The following PPP1R16A variants were observed in gnomAD, a reference collection of about 807,000 sequenced individuals.
PPP1R16A encodes the protein protein phosphatase 1 regulatory subunit 16A.
Under a neutral mutation model 46.6 loss-of-function variants are expected in PPP1R16A, and 39 were observed. The ratio of observed to expected loss-of-function variants is 0.84; its 90% confidence interval spans 0.65 to 1.09. PPP1R16A has a LOEUF of 1.09. Ranked by LOEUF, PPP1R16A falls within the 50% of genes least tolerant of loss-of-function variation. The probability of loss-of-function intolerance (pLI) is 0.00; values close to 1 mark genes in which losing one functional copy is unlikely to be tolerated. For synonymous variants in PPP1R16A, 413 were observed against 321.5 expected, an observed-to-expected ratio of 1.28 and a Z score of -3.04; for missense variants, 798 against 735.6, an observed-to-expected ratio of 1.08 and a Z score of -0.98.
chr8:144,482,027 T>G (rs1586736250), intron 1 of PPP1R16A, among the ~76,000 whole-genome samples: 1 of 152,148 alleles, frequency 6.6e-6, no homozygotes, highest in African/African-American at 2.4e-5. Flanking sequence ...CCGCCCGCCT[T>G]GGCCTCCCAA....
At position 144,500,170 on chromosome 8, in the gene PPP1R16A, A is replaced by G. The variant is rs1352672313; in HGVS notation, c.551A>G (p.Asp184Gly). The change falls in exon 6 of 12, where the codon GAC becomes GGC. Residue 184 changes from aspartate to glycine, a missense_variant. Transcript: ENST00000435887. The stretch of plus-strand genomic sequence containing the variant: ...CTGTGTGATGATGAGCAGACGCTGG[A>G]CTGCCTGGAGACTGCCATGGCCGAC... The part of the protein sequence containing the change: ...YDLCDDEQTL[D>G]CLETAMADRG... The G allele has an allele frequency of 1.2e-6, 2 of 1,611,478 alleles. No homozygotes were observed. Among genetic ancestry groups the G allele is most frequent in the Non-Finnish European group, 1.7e-6 (2 of 1,179,084 alleles).
At position 144,500,124 on chromosome 8, in the gene PPP1R16A, G is replaced by A. The variant is rs1441584565; in HGVS notation, c.505G>A (p.Asp169Asn). ...SGANLLAVNTDGNMPYDLCDD... is the reference protein window; with the variant it reads ...SGANLLAVNTNGNMPYDLCDD... ...CGCCAATCTCCTGGCGGTCAACACC[G>A]ACGGGAACATGCCCTATGACCTGTG... Residue 169 changes from aspartate (D) to asparagine (N), a missense_variant, in exon 6 of 12, where the codon GAC (aspartate) becomes AAC (asparagine). Transcript: ENST00000435887. 1.9e-6 allele frequency: 3 copies of A among 1,611,592 alleles called. No individual in the cohort carries two copies. The highest frequency in any genetic ancestry group is 2.2e-5 in the East Asian group (1 of 44,810).
chr8:144,497,501 C>A (rs764343387), intron 3 of PPP1R16A, 48 bp downstream of exon 3: 1 of 1,608,158 alleles, frequency 6.2e-7, no homozygotes, highest in Non-Finnish European at 8.5e-7. Context: ...GGCCCACTCC[C>A]TGCTACCTGG....
At chr8:144,483,697 C>T (rs913155391) in intron 1 of PPP1R16A, among the ~76,000 whole-genome samples, 9 of 140,290 alleles carry the variant, frequency 6.4e-5, no homozygotes, top group Non-Finnish European at 7.8e-5. Flanking sequence ...TGAGCCACTG[C>T]GCCCGGTCTC....
chr8:144,497,376 A>G lies in PPP1R16A; in HGVS notation c.182A>G (p.Gln61Arg). The change falls in exon 3 of 12, where the codon CAA (glutamine) becomes CGA (arginine). Residue 61 changes from glutamine to arginine, a missense_variant. Coordinates refer to ENST00000435887, the MANE Select transcript of PPP1R16A (RefSeq NM_001329443.2). Reference sequence around the variant, plus strand: ...CGTCCCCGGAAGGAGGCAGCCAGCCAAGGGCTCCTGAAGCAGGTCCTCTTC... The same window carrying G: ...CGTCCCCGGAAGGAGGCAGCCAGCCGAGGGCTCCTGAAGCAGGTCCTCTTC... ...GERPRKEAAS[Q>R]GLLKQVLFPP... 2 of 1,613,030 alleles carry G rather than the reference A, an allele frequency of 1.2e-6. No individual in the cohort carries two copies. The highest frequency in any genetic ancestry group is 1.1e-5 in the South Asian group (1 of 91,084).
At chr8:144,492,132 G>A (rs1017052552) in intron 2 of PPP1R16A, among the ~76,000 whole-genome samples, 3 of 152,144 alleles carry the variant, frequency 2.0e-5, no homozygotes, top group African/African-American at 7.2e-5. Flanking sequence ...GGGCCAGCCC[G>A]TCACTGCCGG....
At chr8:144,501,317 G>C (rs1826449755) in intron 11 of PPP1R16A, 23 bp downstream of exon 11, 1 of 1,551,972 alleles carries the variant, frequency 6.4e-7, no homozygotes, top group Non-Finnish European at 8.7e-7. Context: ...TCCCTGCTCC[G>C]CCCAGCGCAG....
At chr8:144,498,721 G>T (rs370600477) in intron 3 of PPP1R16A, 49 bp from the exon 4 acceptor site, 34 of 1,525,364 alleles carry the variant, frequency 2.2e-5, no homozygotes, top group Non-Finnish European at 2.3e-5. Flanking sequence ...CAGTTGACAG[G>T]ACCTGACCAG....
Position 144,493,815 on chromosome 8 carries a change from C to T in PPP1R16A, c.-734-2646C>T, listed in dbSNP as rs1825916494. ...GAACCTGCCCAGAGTCCCATGGAGA[C>T]ATTGGGCAGCTTCCAGCTAGGAAGG... On this transcript the variant is annotated intron_variant, in intron 2 of 11. Transcript: ENST00000435887. This position sits in a 1 kb window ranked among gnomAD's most constrained non-coding sequence, Gnocchi z 4.3. Among the ~76,000 whole-genome samples, 1 of 152,084 alleles carries T rather than the reference C, an allele frequency of 6.6e-6. No homozygotes were observed. Among genetic ancestry groups the T allele is most frequent in the Admixed American group, 6.5e-5 (1 of 15,284 alleles).
chr8:144,496,743 A>T lies in PPP1R16A; in HGVS notation c.-452A>T. Reference sequence around the variant, plus strand: ...CCTAGAAGGTGAAAAGAGGACTCTCAGGGGCTCACAGGGGCTCTCACTGCT... The same window carrying T: ...CCTAGAAGGTGAAAAGAGGACTCTCTGGGGCTCACAGGGGCTCTCACTGCT... On this transcript the variant is annotated 5_prime_UTR_variant, in exon 3 of 12. Transcript: ENST00000435887. 1 of 225,114 alleles carries T rather than the reference A, an allele frequency of 4.4e-6. No homozygotes were observed. Among genetic ancestry groups the T allele is most frequent in the East Asian group, 1.1e-4 (1 of 9,208 alleles). The allele number at this position is 225,114 out of a possible 1,614,324, so 13.9% of individuals were successfully genotyped here.
At chr8:144,501,084 C>T (rs779879908) in intron 10 of PPP1R16A, 45 bp from the exon 11 acceptor site, 5 of 1,590,916 alleles carry the variant, frequency 3.1e-6, no homozygotes, top group Non-Finnish European at 4.3e-6. Context: ...CGGGGTCCTC[C>T]GGGCACTCCC....
intron 1 of PPP1R16A, among the ~76,000 whole-genome samples, chr8:144,483,163 C>T (rs984093523): frequency 1.3e-5 from 2 of 152,220 alleles, no homozygotes; most frequent in Admixed American, 6.5e-5. Context: ...GAGTTACGTT[C>T]TGTTCTGTAA....
intron 3 of PPP1R16A, chr8:144,498,036 T>G (rs2721149): frequency 0.54 from 245,217 of 455,998 alleles, 67,276 homozygotes; most frequent in Admixed American, 0.59. Flanking sequence ...TCTGGAGTCT[T>G]GGGGGAAGAG....
Position 144,499,077 on chromosome 8 carries a change from C to T in PPP1R16A, c.476+16C>T, listed in dbSNP as rs746472019. The T allele has an allele frequency of 1.7e-5, 26 of 1,560,068 alleles. No individual in the cohort carries two copies. The highest frequency in any genetic ancestry group is 2.2e-4 in the Middle Eastern group (1 of 4,616). On this transcript the variant is annotated intron_variant, in intron 5 of 11. Transcript: ENST00000435887. The stretch of plus-strand genomic sequence containing the variant: ...TCATCGCCAGGTAGGGCCTGTTGGG[C>T]GTCCTTGGCAGGGAGAGGCTTCCTC...
intron 2 of PPP1R16A, among the ~76,000 whole-genome samples, chr8:144,494,413 A>G (rs879263093): frequency 6.6e-6 from 1 of 152,022 alleles, no homozygotes; most frequent in Non-Finnish European, 1.5e-5. Flanking sequence ...CCCGGGCTCA[A>G]GGGATCCTCC....
chr8:144,488,933 G>C (rs1825706298), intron 1 of PPP1R16A, among the ~76,000 whole-genome samples: 1 of 151,746 alleles, frequency 6.6e-6, no homozygotes, highest in Non-Finnish European at 1.5e-5. Flanking sequence ...GCCTGGTGCA[G>C]TGGCTCACCC....
intron 5 of PPP1R16A, chr8:144,499,708 A>T: frequency 4.3e-6 from 1 of 230,446 alleles, no homozygotes; most frequent in South Asian, 7.3e-5. Flanking sequence ...GCTCCCCTTC[A>T]CCGCCCTTCT....
At chr8:144,499,452 G>A (rs1279947034) in intron 5 of PPP1R16A, 3 of 225,146 alleles carry the variant, frequency 1.3e-5, no homozygotes, top group Non-Finnish European at 2.6e-5. Flanking sequence ...AACACAGAGG[G>A]ACGTAGAGCG....
In PPP1R16A at chr8:144,500,946, C is replaced by A; in HGVS notation, c.1012C>A (p.Arg338Ser). ...QSRQRSLLRR[R>S]TSSAGSRGKV... ...CCGCCAGCGCTCCTTGCTGCGCCGC[C>A]GCACCTCCAGCGCCGGCAGCCGCGG... is the stretch of plus-strand genomic sequence containing the variant. The change falls in exon 10 of 12, where the codon CGC becomes AGC. Residue 338 changes from arginine (R) to serine (S), a missense_variant. Coordinates refer to ENST00000435887, the MANE Select transcript of PPP1R16A (RefSeq NM_001329443.2). 1 of 1,496,730 alleles carries A rather than the reference C, an allele frequency of 6.7e-7. No individual in the cohort carries two copies. The allele number at this position is 1,496,730 out of a possible 1,614,324, so 92.7% of individuals were successfully genotyped here. A position where few individuals can be genotyped will look rare whatever the true frequency, so the allele number is the denominator to read the frequency against.
Sources: gnomAD v4.1 joint callset for allele counts (sites outside exome capture counted in the v4.1 genomes callset) on GRCh38, gnomAD v4.1.1 for gene constraint, Gnocchi (gnomAD v3.1) non-coding constraint, MANE v1.5 for transcripts, NCBI Gene and HGNC (gene_info 2026-07-23, HGNC 2026-07-21) for gene names.